CHD5: variants seen among roughly 807,000 people sequenced by gnomAD.
CHD5 encodes the protein ATP-dependent chromatin remodeler CHD5.
Under a neutral mutation model 230.3 loss-of-function variants are expected in CHD5, and 69 were observed. That is an observed-to-expected ratio of 0.30 (90% CI 0.25 to 0.37). CHD5 has a LOEUF of 0.37. Ranked by LOEUF, CHD5 falls within the 10% of genes least tolerant of loss-of-function variation. The probability of loss-of-function intolerance (pLI) is 1.00; values close to 1 mark genes in which losing one functional copy is unlikely to be tolerated. For synonymous variants in CHD5, 1,064 were observed against 1,065.9 expected (o/e 1.00, Z 0.03); for missense variants, 1,827 against 2,622.8 (o/e 0.70, Z 6.63).
Position 6,128,652 on chromosome 1 carries a change from G to A in CHD5, c.3620-43C>T. 6.6e-7 allele frequency: 1 copy of A among 1,518,296 alleles called. No individual in the cohort carries two copies. Among genetic ancestry groups the A allele is most frequent in the Non-Finnish European group, 9.1e-7 (1 of 1,095,572 alleles). The allele number at this position is 1,518,296 out of a possible 1,614,324, so 94.1% of individuals were successfully genotyped here. A position where few individuals can be genotyped will look rare whatever the true frequency, so the allele number is the denominator to read the frequency against. ...AAAGCACTGGTGCAGGACCACAGAGGGCTGCAGGGTTGGCGGGCAGTGCCC... is the reference window on the plus strand; with the variant it reads ...AAAGCACTGGTGCAGGACCACAGAGAGCTGCAGGGTTGGCGGGCAGTGCCC... On this transcript the variant is annotated intron_variant, in intron 23 of 41. Coordinates refer to ENST00000262450, the MANE Select transcript of CHD5 (RefSeq NM_015557.3). The surrounding 1 kb of genome is among the most constrained non-coding windows in gnomAD (Gnocchi z 7.8).
In CHD5 at chr1:6,142,825, G is replaced by A. The variant is rs979446308; in HGVS notation, c.2044-220C>T. On this transcript the variant is annotated intron_variant, in intron 13 of 41. Coordinates refer to ENST00000262450, the MANE Select transcript of CHD5 (RefSeq NM_015557.3). The surrounding 1 kb of genome is among the most constrained non-coding windows in gnomAD (Gnocchi z 5.2). ...AGTGCTCCCACAGTGTCCTCCCATGGCAGCCCTGTACTTCTCCTATCAGGG... is the reference window on the plus strand; with the variant it reads ...AGTGCTCCCACAGTGTCCTCCCATGACAGCCCTGTACTTCTCCTATCAGGG... Among the ~76,000 whole-genome samples, 1 of 152,064 alleles carries A rather than the reference G, an allele frequency of 6.6e-6. No homozygotes were observed.
At position 6,106,231 on chromosome 1, in the gene CHD5, C is replaced by T; in HGVS notation, c.*46+3G>A. The T allele has an allele frequency of 1.2e-6, 2 of 1,611,914 alleles. No homozygotes were observed. Among genetic ancestry groups the T allele is most frequent in the Non-Finnish European group, 1.7e-6 (2 of 1,179,202 alleles). ...GAGGAACACAGCACCCAGCAGCCCT[C>T]ACCTCAGCTGGAAATGAGCGCTGCA... On this transcript the variant is annotated splice_donor_region_variant and intron_variant, in intron 41 of 41. Transcript: ENST00000262450.
chr1:6,143,798 C>A, intron 13 of CHD5, 25 bp downstream of exon 13: 2 of 1,516,090 alleles, frequency 1.3e-6, no homozygotes, highest in Non-Finnish European at 1.8e-6. Flanking sequence ...ACCCCACCCA[C>A]TGCTGCCCCA....
At chr1:6,124,151 G>A in intron 30 of CHD5, 44 bp from the exon 31 acceptor site, 2 of 1,577,672 alleles carry the variant, frequency 1.3e-6, no homozygotes, top group Middle Eastern at 1.7e-4. Context: ...AGGGAGGGCA[G>A]TGGTGGCAAC....
intron 9 of CHD5, among the ~76,000 whole-genome samples, chr1:6,147,670 C>T (rs925212397): frequency 6.6e-6 from 1 of 152,180 alleles, no homozygotes; most frequent in Non-Finnish European, 1.5e-5. Context: ...TACCTGTCCT[C>T]GGAAACTCAT....
At chr1:6,122,959 A>C (rs1438010191) in intron 31 of CHD5, among the ~76,000 whole-genome samples, 3 of 151,882 alleles carry the variant, frequency 2.0e-5, no homozygotes, top group Non-Finnish European at 4.4e-5. Flanking sequence ...AATCCCAGCT[A>C]CTCGGGAAGC....
At position 6,125,563 on chromosome 1, in the gene CHD5, G is replaced by A; in HGVS notation, c.4221C>T (p.Pro1407=). The change falls in exon 28 of 42, where the codon CCC becomes CCT. Residue 1407 remains proline, a synonymous_variant. Coordinates refer to ENST00000262450, the MANE Select transcript of CHD5 (RefSeq NM_015557.3). The surrounding 1 kb of genome is among the most constrained non-coding windows in gnomAD (Gnocchi z 6.7). ...CAACTCGGGCGAGAAGCGGGGGCAGGGGCTTGTCCCTGTCACTCTTCAGCT... is the reference window on the plus strand; with the variant it reads ...CAACTCGGGCGAGAAGCGGGGGCAGAGGCTTGTCCCTGTCACTCTTCAGCT... ...RRQLKSDRDK[P]LPPLLARVGG... is the part of the protein sequence containing the mutation. The A allele has an allele frequency of 6.2e-7, 1 of 1,601,854 alleles. No homozygotes were observed. Among genetic ancestry groups the A allele is most frequent in the Non-Finnish European group, 8.5e-7 (1 of 1,173,762 alleles).
intron 36 of CHD5, among the ~76,000 whole-genome samples, chr1:6,110,762 G>A (rs1666275407): frequency 6.6e-6 from 1 of 152,204 alleles, no homozygotes; most frequent in African/African-American, 2.4e-5. Flanking sequence ...GGCTTCAGAG[G>A]GTTAACTCTT....
intron 15 of CHD5, among the ~76,000 whole-genome samples, chr1:6,141,811 G>T (rs960483958): frequency 6.6e-6 from 1 of 152,182 alleles, no homozygotes; most frequent in Admixed American, 6.5e-5. Context: ...AGGCTGGAAG[G>T]AGGAAGGAAG....
chr1:6,152,055 G>A lies in CHD5; in HGVS notation c.870+357C>T, dbSNP rs188581792. On this transcript the variant is annotated intron_variant, in intron 6 of 41. Coordinates refer to ENST00000262450, the MANE Select transcript of CHD5 (RefSeq NM_015557.3). ...CCGAGAGCAGACCTGGGTGCTGGGC[G>A]GCCAGGCCCCACCAGGACAGATCCC... 3.2e-4 allele frequency among the ~76,000 whole-genome samples: 48 copies of A among 151,900 alleles called. No homozygotes were observed. The East Asian group carries it at 7.0e-3, about 22-fold the overall frequency.
chr1:6,180,079 C>A lies in CHD5; in HGVS notation c.-56G>T. 1 of 958,510 alleles carries A rather than the reference C, an allele frequency of 1.0e-6. No individual in the cohort carries two copies. The highest frequency in any genetic ancestry group is 1.3e-6 in the Non-Finnish European group (1 of 764,352). 59.4% of individuals were successfully genotyped at this position (958,510 alleles called of 1,614,324 possible). A position where few individuals can be genotyped will look rare whatever the true frequency, so the allele number is the denominator to read the frequency against. On this transcript the variant is annotated 5_prime_UTR_variant, in exon 1 of 42. Coordinates refer to ENST00000262450, the MANE Select transcript of CHD5 (RefSeq NM_015557.3). ...CCCCCCCTCCCGCCGGGCGCGGTGC[C>A]AGCCTTAACCCGTGCGCTGCCGGAC...
intron 8 of CHD5, 71 bp downstream of exon 8, chr1:6,149,175 C>T (rs924634700): frequency 2.3e-5 from 34 of 1,481,754 alleles, no homozygotes; most frequent in African/African-American, 4.2e-5. Flanking sequence ...ATTCTGCCCC[C>T]AAATGAGGGC....
chr1:6,136,001 CTCTT>C (rs1666739910), intron 17 of CHD5, among the ~76,000 whole-genome samples: 1 of 146,370 alleles, frequency 6.8e-6, no homozygotes, highest in African/African-American at 2.5e-5. Flanking sequence ...CAGAGTGAGA[CTCTT>C]TCTTTTAATA....
chr1:6,155,653 G>C lies in CHD5; in HGVS notation c.452C>G (p.Ser151Trp). ...WGLDDVDYLF[S>W]EEDYHTLTNY... ...GGTCAGCGTGTGGTAATCCTCCTCC[G>C]AGAACAGGTAGTCCACGTCGTCCAG... The change falls in exon 4 of 42, where the codon TCG becomes TGG. Residue 151 changes from serine to tryptophan, a missense_variant. Ser to Trp is a radical substitution (Grantham distance 177, BLOSUM62 -3). Transcript: ENST00000262450. This position sits in a 1 kb window ranked among gnomAD's most constrained non-coding sequence, Gnocchi z 4.0. 1 of 1,614,090 alleles carries C rather than the reference G, an allele frequency of 6.2e-7. No homozygotes were observed.
chr1:6,111,331 C>T (rs1168380751), intron 36 of CHD5, among the ~76,000 whole-genome samples: 4 of 151,254 alleles, frequency 2.6e-5, no homozygotes, highest in Admixed American at 6.6e-5. Context: ...GTCAGGAGTT[C>T]GAGACCAGCC....
At chr1:6,178,595 G>C (rs1003076852) in intron 1 of CHD5, among the ~76,000 whole-genome samples, 16 of 152,134 alleles carry the variant, frequency 1.1e-4, no homozygotes, top group African/African-American at 3.9e-4. Flanking sequence ...GGATATGACA[G>C]TCAACTATTG....
At position 6,154,590 on chromosome 1, in the gene CHD5, G is replaced by A. The variant is rs1264569647; in HGVS notation, c.745+70C>T. ...CCTCCCTGCCCGCGTCTGCCCCGTG[G>A]CTTCTCCTATAGGGTCTGAAAGGGA... On this transcript the variant is annotated intron_variant, in intron 5 of 41. Coordinates refer to ENST00000262450, the MANE Select transcript of CHD5 (RefSeq NM_015557.3). This position sits in a 1 kb window ranked among gnomAD's most constrained non-coding sequence, Gnocchi z 7.0. 22 of 1,405,292 alleles carry A rather than the reference G, an allele frequency of 1.6e-5. No individual in the cohort carries two copies. The Admixed American group carries it at 5.2e-4, about 33-fold the overall frequency. The allele number at this position is 1,405,292 out of a possible 1,614,324, so 87.1% of individuals were successfully genotyped here.
intron 15 of CHD5, among the ~76,000 whole-genome samples, chr1:6,137,180 C>T (rs1167112294): frequency 6.6e-6 from 1 of 152,170 alleles, no homozygotes; most frequent in Non-Finnish European, 1.5e-5. Flanking sequence ...GATCACCACT[C>T]ACTTGCAGCC....
chr1:6,107,743 A>C (rs1374371612), intron 38 of CHD5, among the ~76,000 whole-genome samples: 3 of 115,236 alleles, frequency 2.6e-5, no homozygotes, highest in South Asian at 3.1e-4. Context: ...GGGATGATGG[A>C]TGATGGAGAG....
Sources: allele counts gnomAD v4.1 joint callset (sites outside exome capture counted in the v4.1 genomes callset), GRCh38; gene constraint gnomAD v4.1.1; non-coding constraint Gnocchi (gnomAD v3.1); transcripts MANE v1.5; gene names NCBI Gene and HGNC (gene_info 2026-07-23, HGNC 2026-07-21).